Variants in MFAP5 observed in about 807,000 individuals in gnomAD.
MFAP5 encodes microfibril associated protein 5, also known as microfibrillar-associated protein 5.
Under a neutral mutation model 30.1 loss-of-function variants are expected in MFAP5, and 19 were observed. The observed-to-expected ratio is 0.63, with a 90% CI of 0.44 to 0.93. The LOEUF (loss-of-function observed/expected upper bound fraction) is 0.93, where lower values mean the gene tolerates loss of function less well. Among genes scored for constraint, MFAP5 ranks in the 40% least tolerant of loss-of-function variants. MFAP5 has a pLI of 0.00. For missense variants in MFAP5, 210 were observed against 221.3 expected (o/e 0.95, Z 0.32); for synonymous variants, 92 against 72.9 (o/e 1.26, Z -1.33).
chr12:8,661,550 C>CT (rs34808495), intron 2 of MFAP5, among the ~76,000 whole-genome samples: 160 of 141,742 alleles, frequency 1.1e-3, no homozygotes, highest in South Asian at 2.9e-3. Flanking sequence ...TTCTTTTTTC[C>CT]TTTTTTTTTT....
At chr12:8,658,056 T>G (rs1462896547) in intron 3 of MFAP5, among the ~76,000 whole-genome samples, 1 of 152,188 alleles carries the variant, frequency 6.6e-6, no homozygotes, top group Non-Finnish European at 1.5e-5. Context: ...AGATAGAAAT[T>G]CATCAGGTTT....
rs1591560958 is a variant in MFAP5, at chr12:8,646,533, A to G, written c.*1558T>C. ...CTAGGATAAAGCAGATATGGTTGCTATGAATTAGACTGTATCTAAGCTTCA... is the reference window on the plus strand; with the variant it reads ...CTAGGATAAAGCAGATATGGTTGCTGTGAATTAGACTGTATCTAAGCTTCA... On this transcript the variant is annotated 3_prime_UTR_variant, in exon 10 of 10. Transcript: ENST00000359478. 6.6e-6 allele frequency: 1 copy of G among 152,252 alleles called. No individual in the cohort carries two copies. Among genetic ancestry groups the G allele is most frequent in the South Asian group, 2.1e-4 (1 of 4,832 alleles). The allele number at this position is 152,252 out of a possible 1,614,324, so 9.4% of individuals were successfully genotyped here.
chr12:8,659,471 C>T (rs1157729938), intron 3 of MFAP5, among the ~76,000 whole-genome samples: 1 of 151,992 alleles, frequency 6.6e-6, no homozygotes, highest in Non-Finnish European at 1.5e-5. Flanking sequence ...GATATGTCTG[C>T]GAGAAAAGCA....
intron 6 of MFAP5, among the ~76,000 whole-genome samples, chr12:8,653,935 G>C (rs1045496361): frequency 2.0e-5 from 3 of 152,016 alleles, no homozygotes; most frequent in Non-Finnish European, 2.9e-5. Flanking sequence ...GACCTGCCTG[G>C]CCAACGTGGC....
intron 6 of MFAP5, 178 bp from the exon 7 acceptor site, chr12:8,651,869 T>A: frequency 1.7e-6 from 1 of 603,596 alleles, no homozygotes; most frequent in Non-Finnish European, 2.9e-6. Context: ...CTCCACAAAA[T>A]TGAAGACATT....
At position 8,654,332 on chromosome 12, in the gene MFAP5, T is replaced by C. The variant is rs957401704; in HGVS notation, c.217+105A>G. ...GAAATATGTGCTCCATAAACTGTCA[T>C]CCTGTCTTTTTAGGATCCTTCAGCA... On this transcript the variant is annotated intron_variant, in intron 6 of 9. Transcript: ENST00000359478. The C allele has an allele frequency of 3.5e-6, 4 of 1,133,250 alleles. No individual in the cohort carries two copies. The Admixed American group carries it at 9.9e-5, about 28-fold the overall frequency. 70.2% of individuals were successfully genotyped at this position (1,133,250 alleles called of 1,614,324 possible).
intron 2 of MFAP5, among the ~76,000 whole-genome samples, chr12:8,661,711 T>C (rs1158980913): frequency 6.6e-6 from 1 of 152,084 alleles, no homozygotes; most frequent in Admixed American, 6.6e-5. Flanking sequence ...CCCTCCTCTA[T>C]GTTTGTGTAT....
chr12:8,656,083 C>CG (rs1941974841), intron 3 of MFAP5, among the ~76,000 whole-genome samples: 1 of 125,052 alleles, frequency 8.0e-6, no homozygotes, highest in Non-Finnish European at 1.6e-5. Flanking sequence ...TTTTTTGAGA[C>CG]GGAGTCTCGC....
intron 3 of MFAP5, among the ~76,000 whole-genome samples, chr12:8,659,295 C>T (rs946422214): frequency 2.0e-5 from 3 of 149,104 alleles, no homozygotes; most frequent in South Asian, 2.1e-4. Context: ...GTAACAAGAG[C>T]GAAACTCTGT....
At chr12:8,649,625 G>A (rs1050283078) in intron 8 of MFAP5, 51 bp from the exon 9 acceptor site, 1 of 1,515,218 alleles carries the variant, frequency 6.6e-7, no homozygotes, top group Non-Finnish European at 9.2e-7. Context: ...AGAAAGCCTT[G>A]AGAGGAGAAC....
intron 7 of MFAP5, among the ~76,000 whole-genome samples, chr12:8,650,937 C>T (rs1029721896): frequency 2.6e-5 from 4 of 152,050 alleles, no homozygotes; most frequent in Non-Finnish European, 5.9e-5. Context: ...GGGGACGAGG[C>T]GGGCAGATCA....
At chr12:8,657,142 C>T (rs758667169) in intron 3 of MFAP5, among the ~76,000 whole-genome samples, 1 of 152,096 alleles carries the variant, frequency 6.6e-6, no homozygotes, top group African/African-American at 2.4e-5. Flanking sequence ...TAAACACATA[C>T]AATATAATTT....
At chr12:8,651,996 G>A (rs1313273584) in intron 6 of MFAP5, among the ~76,000 whole-genome samples, 1 of 152,166 alleles carries the variant, frequency 6.6e-6, no homozygotes, top group Non-Finnish European at 1.5e-5. Flanking sequence ...AGGAACACAA[G>A]GCAAAGAGTT....
intron 7 of MFAP5, 148 bp downstream of exon 7, chr12:8,651,514 G>T: frequency 1.3e-6 from 1 of 772,682 alleles, no homozygotes; most frequent in South Asian, 1.8e-5. Context: ...TTAAAAAAAA[G>T]AGTAAGGGAG....
chr12:8,653,173 C>A (rs1354508315), intron 6 of MFAP5, among the ~76,000 whole-genome samples: 3 of 143,198 alleles, frequency 2.1e-5, no homozygotes, highest in African/African-American at 7.7e-5. Flanking sequence ...GCCTGGGCAA[C>A]AAGACCAAGA....
At position 8,648,214 on chromosome 12, in the gene MFAP5, A is replaced by C. The variant is rs748768721; in HGVS notation, c.410-11T>G. ...GACGGCAAAGCTCATCTAGAAGAGA[A>C]GCAGAACATCATGGGAAGAGAATGC... On this transcript the variant is annotated splice_polypyrimidine_tract_variant and intron_variant, in intron 9 of 9. Transcript: ENST00000359478. 6.3e-7 allele frequency: 1 copy of C among 1,595,812 alleles called. No individual in the cohort carries two copies. The highest frequency in any genetic ancestry group is 8.6e-7 in the Non-Finnish European group (1 of 1,163,610).
chr12:8,656,906 G>C (rs972775582), intron 3 of MFAP5, among the ~76,000 whole-genome samples: 4 of 152,108 alleles, frequency 2.6e-5, no homozygotes, highest in Admixed American at 2.6e-4. Context: ...GACCTCAGGT[G>C]ATCTGCCCGC....
At chr12:8,659,263 G>A (rs1361290172) in intron 3 of MFAP5, among the ~76,000 whole-genome samples, 2 of 151,166 alleles carry the variant, frequency 1.3e-5, no homozygotes, top group Admixed American at 6.6e-5. Context: ...AGCCGAGATC[G>A]CGCAATTGTA....
chr12:8,656,625 TACAC>T (rs1223209541), intron 3 of MFAP5, among the ~76,000 whole-genome samples: 4,934 of 121,216 alleles, frequency 0.041, 212 homozygotes, highest in Admixed American at 0.11. Flanking sequence ...TATACACACA[TACAC>T]ACACACACAC....
Sources: gnomAD v4.1 joint callset for allele counts (sites outside exome capture counted in the v4.1 genomes callset) on GRCh38, gnomAD v4.1.1 for gene constraint, MANE v1.5 for transcripts, NCBI Gene and HGNC (gene_info 2026-07-23, HGNC 2026-07-21) for gene names.